The following SEMA3D variants were observed in gnomAD, a reference collection of about 807,000 sequenced individuals.
SEMA3D encodes semaphorin-3D.
In SEMA3D, 84 loss-of-function variants were observed where a neutral mutation model predicts 100.1. The ratio of observed to expected loss-of-function variants is 0.84; its 90% CI spans 0.70 to 1.01. SEMA3D has a LOEUF of 1.01. Ranked by LOEUF, SEMA3D falls within the 50% of genes least tolerant of loss-of-function variation. The pLI, the probability that SEMA3D is intolerant of heterozygous loss-of-function variation, is 0.00. For synonymous variants in SEMA3D, 312 were observed against 320.7 expected (o/e 0.97, Z 0.29); for missense variants, 875 against 934.1 (o/e 0.94, Z 0.82).
chr7:85,060,357 G>A (rs952735286), intron 8 of SEMA3D, among the ~76,000 whole-genome samples: 7 of 151,984 alleles, frequency 4.6e-5, no homozygotes, highest in Non-Finnish European at 8.8e-5. Context: ...GTTGAGGTCC[G>A]GTCTTAGAAC....
chr7:85,035,860 C>T (rs1790679517), intron 12 of SEMA3D, among the ~76,000 whole-genome samples: 2 of 151,850 alleles, frequency 1.3e-5, no homozygotes, highest in Admixed American at 1.3e-4. Flanking sequence ...AGAAACCATC[C>T]TTGAAACAAA....
chr7:85,206,141 G>T, the SEMA3D span, among the ~76,000 whole-genome samples: 1 of 152,104 alleles, frequency 6.6e-6, no homozygotes, highest in Admixed American at 6.6e-5. Context: ...CATGGTTAGG[G>T]GCATAGCCTT....
In SEMA3D at chr7:85,097,814, AT is replaced by A; in HGVS notation, c.302del (p.Asn101IlefsTer19). 1 of 1,586,424 alleles carries A rather than the reference AT, an allele frequency of 6.3e-7. No individual in the cohort carries two copies. Among genetic ancestry groups the A allele is most frequent in the Non-Finnish European group, 8.6e-7 (1 of 1,160,798 alleles). On this transcript the variant is annotated frameshift_variant, in exon 4 of 19. Transcript: ENST00000284136. LOFTEE classifies it high-confidence loss of function. ...FLLSLVDLNK[N>X]FKKIYWPAAK... is the part of the protein sequence containing the mutation. Reference sequence around the variant, plus strand: ...ATATAAATATACTGACCTTCTTAAAATTTTTGTTTAAGTCAACCAGACTGAG... The same window carrying A: ...ATATAAATATACTGACCTTCTTAAAATTTTGTTTAAGTCAACCAGACTGAG...
intron 8 of SEMA3D, among the ~76,000 whole-genome samples, chr7:85,058,590 A>G (rs1791388595): frequency 6.6e-6 from 1 of 152,034 alleles, no homozygotes; most frequent in Non-Finnish European, 1.5e-5. Context: ...TACTAAAAAT[A>G]CAAAAAAATT....
chr7:84,999,964 A>G, intron 18 of SEMA3D, 99 bp from the exon 19 acceptor site: 1 of 887,538 alleles, frequency 1.1e-6, no homozygotes, highest in Non-Finnish European at 1.7e-6. Flanking sequence ...AATATGAAAG[A>G]CATATTCATT....
At chr7:85,198,753 TTTA>T in the SEMA3D span, among the ~76,000 whole-genome samples, 1 of 151,482 alleles carries the variant, frequency 6.6e-6, no homozygotes, top group African/African-American at 2.4e-5. Context: ...TTTAAAGTTT[TTTA>T]TTAACTGGTT....
At chr7:85,036,203 T>C (rs968461262) in intron 12 of SEMA3D, among the ~76,000 whole-genome samples, 4 of 152,084 alleles carry the variant, frequency 2.6e-5, no homozygotes, top group African/African-American at 9.6e-5. Flanking sequence ...GTCATAATAA[T>C]ATCAACAAAT....
Position 85,012,784 on chromosome 7 carries a change from T to C in SEMA3D, c.1766A>G (p.Asp589Gly). 10 of 1,608,952 alleles carry C rather than the reference T, an allele frequency of 6.2e-6. No individual in the cohort carries two copies. Among genetic ancestry groups the C allele is most frequent in the Non-Finnish European group, 8.5e-6 (10 of 1,176,228 alleles). ...AAGCATATCAGAGCTGTACTTACTG[T>C]CTTCGATGTCCCAGCACTGGGTGAT... ...DPITQCWDIE[D>G]SISHETADEK... The change falls in exon 17 of 19, where the codon GAC becomes GGC. Residue 589 changes from aspartate (D) to glycine (G), a missense_variant and splice_region_variant. Coordinates refer to ENST00000284136, the MANE Select transcript of SEMA3D (RefSeq NM_001384900.1).
At chr7:85,207,557 G>T in the SEMA3D span, among the ~76,000 whole-genome samples, 3 of 151,982 alleles carry the variant, frequency 2.0e-5, no homozygotes, top group Admixed American at 6.6e-5. Flanking sequence ...GGAACAAAAG[G>T]TGTATTAAAG....
Position 85,121,925 on chromosome 7 carries a change from AT to A in SEMA3D, c.-35del. On this transcript the variant is annotated 5_prime_UTR_variant, in exon 3 of 19. Coordinates refer to ENST00000284136, the MANE Select transcript of SEMA3D (RefSeq NM_001384900.1). The stretch of plus-strand genomic sequence containing the variant: ...CAATGTTCTCTTTCAAATGGTGTTA[AT>A]TTAATCTAAAAAAGAGTAAAAAAAA... 1 of 1,467,220 alleles carries A rather than the reference AT, an allele frequency of 6.8e-7. No homozygotes were observed. The highest frequency in any genetic ancestry group is 9.2e-7 in the Non-Finnish European group (1 of 1,083,142). The allele number at this position is 1,467,220 out of a possible 1,614,324, so 90.9% of individuals were successfully genotyped here.
the SEMA3D span, among the ~76,000 whole-genome samples, chr7:85,239,387 G>C: frequency 6.6e-6 from 1 of 152,046 alleles, no homozygotes; most frequent in Non-Finnish European, 1.5e-5. Flanking sequence ...GTGGGGCATC[G>C]TCTCGAAGCA....
chr7:85,148,569 A>C (rs1035971333), intron 2 of SEMA3D, among the ~76,000 whole-genome samples: 11 of 152,208 alleles, frequency 7.2e-5, no homozygotes, highest in Admixed American at 6.5e-5. Context: ...AAAATGAGAT[A>C]AAACGAAAAA....
chr7:85,139,149 G>C (rs528994991), intron 2 of SEMA3D, among the ~76,000 whole-genome samples: 3 of 152,180 alleles, frequency 2.0e-5, no homozygotes, highest in African/African-American at 7.2e-5. Flanking sequence ...AAAGGTCAGA[G>C]AGATGAGGCT....
At chr7:85,145,624 A>G (rs1478918009) in intron 2 of SEMA3D, among the ~76,000 whole-genome samples, 2 of 152,100 alleles carry the variant, frequency 1.3e-5, no homozygotes, top group Non-Finnish European at 2.9e-5. Flanking sequence ...TAATAATACA[A>G]AAAGCCAAAA....
chr7:85,081,805 T>C (rs758094611), intron 4 of SEMA3D, among the ~76,000 whole-genome samples: 1 of 152,206 alleles, frequency 6.6e-6, no homozygotes, highest in African/African-American at 2.4e-5. Flanking sequence ...CTGGTCTCTA[T>C]TTTAATGTCT....
chr7:85,240,392 T>G, the SEMA3D span, among the ~76,000 whole-genome samples: 1 of 152,264 alleles, frequency 6.6e-6, no homozygotes, highest in African/African-American at 2.4e-5. Flanking sequence ...ATTATTGGAT[T>G]TGATTTGCTA....
At chr7:85,163,110 A>G in intron 1 of SEMA3D, 1 of 416,602 alleles carries the variant, frequency 2.4e-6, no homozygotes, top group Non-Finnish European at 3.2e-6. Context: ...CAAAGAAAAG[A>G]AAAAAAAAGG....
chr7:85,018,374 C>G, intron 14 of SEMA3D, 81 bp from the exon 15 acceptor site: 1 of 843,778 alleles, frequency 1.2e-6, no homozygotes, highest in South Asian at 1.4e-5. Flanking sequence ...TATCTGATGC[C>G]ATATATCACT....
At chr7:85,005,537 T>C (rs1445144366) in intron 18 of SEMA3D, among the ~76,000 whole-genome samples, 1 of 152,114 alleles carries the variant, frequency 6.6e-6, no homozygotes, top group East Asian at 1.9e-4. Flanking sequence ...GTTATTCTTG[T>C]AGCTGTCAGA....
Sources: allele counts gnomAD v4.1 joint callset (sites outside exome capture counted in the v4.1 genomes callset), GRCh38; gene constraint gnomAD v4.1.1; transcripts MANE v1.5; gene names NCBI Gene and HGNC (gene_info 2026-07-23, HGNC 2026-07-21).